PSME3IP1: variants seen among roughly 807,000 people sequenced by gnomAD.
The protein encoded by PSME3IP1 is proteasome activator subunit 3 interacting protein 1.
PSME3IP1 carries 13 observed loss-of-function variants against 34.1 expected under a neutral mutation model. That is an observed-to-expected ratio of 0.38 (90% CI 0.25 to 0.61). The LOEUF (loss-of-function observed/expected upper bound fraction) is 0.61, where lower values mean the gene tolerates loss of function less well. PSME3IP1 is among the 20% of genes least tolerant of loss of function. PSME3IP1 has a pLI of 0.60. For synonymous variants in PSME3IP1, 93 were observed against 114.3 expected (o/e 0.81, Z 1.19); for missense variants, 237 against 301.4 (o/e 0.79, Z 1.58).
chr16:57,177,075 G>T (rs561464247), intron 1 of PSME3IP1, among the ~76,000 whole-genome samples: 1 of 151,600 alleles, frequency 6.6e-6, no homozygotes, highest in African/African-American at 2.4e-5. Flanking sequence ...GGCTGGTCTC[G>T]AACTCCTGAC....
chr16:57,162,656 C>A (rs1484279403), intron 6 of PSME3IP1, among the ~76,000 whole-genome samples: 5 of 147,148 alleles, frequency 3.4e-5, no homozygotes, highest in Non-Finnish European at 7.5e-5. Flanking sequence ...TAGAGCAAGA[C>A]CCTGTCTCAA....
intron 5 of PSME3IP1, among the ~76,000 whole-genome samples, chr16:57,164,506 A>T (rs993804453): frequency 1.3e-5 from 2 of 152,274 alleles, no homozygotes; most frequent in Non-Finnish European, 2.9e-5. Flanking sequence ...ATGTATTTCA[A>T]TGAAGAAAGA....
intron 1 of PSME3IP1, among the ~76,000 whole-genome samples, chr16:57,181,187 C>T (rs2073675597): frequency 6.6e-6 from 1 of 152,184 alleles, no homozygotes; most frequent in Non-Finnish European, 1.5e-5. Context: ...TATCGGTTCC[C>T]TTAGCTGATC....
At position 57,167,198 on chromosome 16, in the gene PSME3IP1, T is replaced by G; in HGVS notation, c.377A>C (p.Gln126Pro). The G allele has an allele frequency of 1.2e-6, 2 of 1,614,210 alleles. No homozygotes were observed. Among genetic ancestry groups the G allele is most frequent in the Non-Finnish European group, 1.7e-6 (2 of 1,180,036 alleles). Residue 126 changes from glutamine to proline, a missense_variant, in exon 5 of 7, where the codon CAA (glutamine) becomes CCA (proline). By Grantham distance (76) the Gln-to-Pro change is moderately conservative (BLOSUM62 -1). Transcript: ENST00000309137. ...CTTTTCCACTTCCTTCTTGTTCTCTTGAGAAATTCCAACCTTCTTGAGGTT... is the reference window on the plus strand; with the variant it reads ...CTTTTCCACTTCCTTCTTGTTCTCTGGAGAAATTCCAACCTTCTTGAGGTT... ...RNNLKKVGIS[Q>P]ENKKEVEKKL...
At chr16:57,171,650 C>G (rs1244603624) in intron 4 of PSME3IP1, among the ~76,000 whole-genome samples, 1 of 152,134 alleles carries the variant, frequency 6.6e-6, no homozygotes, top group East Asian at 1.9e-4. Flanking sequence ...ATAGGACTAC[C>G]AGTTACTGGG....
chr16:57,172,721 G>T, intron 3 of PSME3IP1, 55 bp downstream of exon 3: 1 of 1,302,368 alleles, frequency 7.7e-7, no homozygotes, highest in Non-Finnish European at 1.1e-6. Context: ...CAAGGCAAAA[G>T]TGCGTCAAAA....
intron 1 of PSME3IP1, among the ~76,000 whole-genome samples, chr16:57,185,049 A>C (rs1386213918): frequency 6.6e-6 from 1 of 152,234 alleles, no homozygotes; most frequent in Non-Finnish European, 1.5e-5. Flanking sequence ...CTTATGTCAC[A>C]GGTGGTAGGC....
At chr16:57,181,500 A>C (rs1438236557) in intron 1 of PSME3IP1, 1 of 152,268 alleles carries the variant, frequency 6.6e-6, no homozygotes, top group Non-Finnish European at 1.5e-5. Context: ...ATTCTGTAGC[A>C]GACACCAACC....
chr16:57,167,681 C>T (rs1397296328), intron 4 of PSME3IP1, among the ~76,000 whole-genome samples: 1 of 152,212 alleles, frequency 6.6e-6, no homozygotes, highest in African/African-American at 2.4e-5. Flanking sequence ...AAGACTAACT[C>T]CTGCTCCACT....
At position 57,185,542 on chromosome 16, in the gene PSME3IP1, T is replaced by C. The variant is rs1487538024; in HGVS notation, c.-16+279A>G. 30 of 985,356 alleles carry C rather than the reference T, an allele frequency of 3.0e-5. No individual in the cohort carries two copies. The Admixed American group carries it at 1.7e-3, about 57-fold the overall frequency. The allele number at this position is 985,356 out of a possible 1,614,324, so 61.0% of individuals were successfully genotyped here. ...TACTCACTTGAAACCTGGGTGGCCC[T>C]ACCTAGCAGAAAATTGGGGAAACCC... On this transcript the variant is annotated intron_variant, in intron 1 of 6. Transcript: ENST00000309137.
At chr16:57,181,734 A>AGAACTTAGAG (rs1168348204) in intron 1 of PSME3IP1, 2 of 152,236 alleles carry the variant, frequency 1.3e-5, no homozygotes, top group African/African-American at 2.4e-5. Flanking sequence ...ACCAATTCAC[A>AGAACTTAGAG]GAACTTAGAG....
chr16:57,165,815 C>T (rs1315843715), intron 5 of PSME3IP1, among the ~76,000 whole-genome samples: 1 of 152,062 alleles, frequency 6.6e-6, no homozygotes, highest in Non-Finnish European at 1.5e-5. Context: ...ACCAAATACG[C>T]TACTACAGAG....
intron 1 of PSME3IP1, among the ~76,000 whole-genome samples, chr16:57,182,806 A>G (rs1752397160): frequency 6.6e-6 from 1 of 152,116 alleles, no homozygotes; most frequent in Non-Finnish European, 1.5e-5. Flanking sequence ...GCTACTCGGG[A>G]GGCTGAGGAA....
At chr16:57,177,090 G>A (rs2073244561) in intron 1 of PSME3IP1, among the ~76,000 whole-genome samples, 1 of 151,580 alleles carries the variant, frequency 6.6e-6, no homozygotes, top group Non-Finnish European at 1.5e-5. Context: ...CCTGACCTCA[G>A]GTGATCCACC....
At chr16:57,163,241 G>C (rs1326622170) in intron 6 of PSME3IP1, among the ~76,000 whole-genome samples, 2 of 152,116 alleles carry the variant, frequency 1.3e-5, no homozygotes, top group Admixed American at 1.3e-4. Context: ...GTAAAAGGCA[G>C]GCTCCTTTTT....
chr16:57,165,008 A>G (rs1214265915), intron 5 of PSME3IP1, among the ~76,000 whole-genome samples: 9 of 151,488 alleles, frequency 5.9e-5, no homozygotes, highest in Non-Finnish European at 2.9e-5. Flanking sequence ...CTGGGCGACA[A>G]GAGTGAAACT....
intron 1 of PSME3IP1, chr16:57,174,560 A>G (rs1462021737): frequency 1.0e-6 from 1 of 985,374 alleles, no homozygotes; most frequent in East Asian, 1.1e-4. Context: ...TTTCTGTAAC[A>G]TCTGACATTG....
intron 6 of PSME3IP1, among the ~76,000 whole-genome samples, chr16:57,163,202 C>A (rs1567378921): frequency 6.6e-6 from 1 of 152,042 alleles, no homozygotes; most frequent in Non-Finnish European, 1.5e-5. Context: ...CTGTTTCCCT[C>A]TAAGGAGAAC....
Position 57,167,220 on chromosome 16 carries a change from G to A in PSME3IP1, c.355C>T (p.Leu119Phe). 1 of 1,614,194 alleles carries A rather than the reference G, an allele frequency of 6.2e-7. No homozygotes were observed. Among genetic ancestry groups the A allele is most frequent in the Non-Finnish European group, 8.5e-7 (1 of 1,180,038 alleles). Residue 119 changes from leucine to phenylalanine, a missense_variant, in exon 5 of 7, where the codon CTC becomes TTC. Transcript: ENST00000309137. ...LKELKEYRNN[L>F]KKVGISQENK... Reference sequence around the variant, plus strand: ...TCTTGAGAAATTCCAACCTTCTTGAGGTTATTGTGAGTTACCAGTTAAGGG... The same window carrying A: ...TCTTGAGAAATTCCAACCTTCTTGAAGTTATTGTGAGTTACCAGTTAAGGG...
Sources: allele counts gnomAD v4.1 joint callset (sites outside exome capture counted in the v4.1 genomes callset), GRCh38; gene constraint gnomAD v4.1.1; transcripts MANE v1.5; gene names NCBI Gene and HGNC (gene_info 2026-07-23, HGNC 2026-07-21).